Variants in TRHDE observed in about 807,000 individuals in gnomAD.
TRHDE encodes thyrotropin releasing hormone degrading enzyme, also known as thyrotropin-releasing hormone-degrading ectoenzyme.
A neutral mutation model predicts 125.7 loss-of-function variants in TRHDE; 72 were observed. The observed-to-expected ratio is 0.57, with a 90% CI of 0.47 to 0.70. The LOEUF (loss-of-function observed/expected upper bound fraction) is 0.70. TRHDE is among the 30% of genes least tolerant of loss of function. The pLI is 0.00. For synonymous variants in TRHDE, 509 were observed against 509.1 expected (o/e 1.00, Z 0.00); for missense variants, 1,110 against 1,327.1 (o/e 0.84, Z 2.54).
intron 3 of TRHDE, among the ~76,000 whole-genome samples, chr12:72,446,161 T>G (rs1875272165): frequency 6.6e-6 from 1 of 151,360 alleles, no homozygotes; most frequent in African/African-American, 2.4e-5. Flanking sequence ...TTTTTTTTTT[T>G]TTTTTTATAC....
At chr12:72,417,061 T>G (rs2135821749) in intron 3 of TRHDE, among the ~76,000 whole-genome samples, 1 of 152,200 alleles carries the variant, frequency 6.6e-6, no homozygotes, top group Admixed American at 6.6e-5. Context: ...TTTACCATTT[T>G]CATTGTAGAG....
intron 12 of TRHDE, among the ~76,000 whole-genome samples, chr12:72,592,874 C>T (rs1167213149): frequency 6.6e-6 from 1 of 152,046 alleles, no homozygotes; most frequent in Non-Finnish European, 1.5e-5. Flanking sequence ...CTATGCCCGG[C>T]TAATTTTGTT....
At chr12:72,149,353 G>A (rs1592459015) in intron 2 of TRHDE, among the ~76,000 whole-genome samples, 1 of 152,212 alleles carries the variant, frequency 6.6e-6, no homozygotes, top group East Asian at 1.9e-4. Flanking sequence ...GTTATGAAAT[G>A]TTCTATTCAA....
intron 7 of TRHDE, among the ~76,000 whole-genome samples, chr12:72,545,079 G>T (rs532353787): frequency 4.6e-5 from 7 of 151,440 alleles, no homozygotes; most frequent in African/African-American, 1.5e-4. Context: ...TGATTTGTTG[G>T]TGATACCACC....
At chr12:72,299,630 AGAATTC>A (rs1315576586) in intron 2 of TRHDE, among the ~76,000 whole-genome samples, 1 of 152,266 alleles carries the variant, frequency 6.6e-6, no homozygotes, top group Non-Finnish European at 1.5e-5. Context: ...CTGACTGAGC[AGAATTC>A]ATCAGAAGTT....
At chr12:72,420,481 G>A (rs375382335) in intron 3 of TRHDE, among the ~76,000 whole-genome samples, 17 of 152,150 alleles carry the variant, frequency 1.1e-4, no homozygotes, top group African/African-American at 3.6e-4. Flanking sequence ...ATATTCAATG[G>A]GTGTGGATCG....
chr12:72,282,024 A>G (rs1369212678), intron 1 of TRHDE, among the ~76,000 whole-genome samples: 1 of 152,254 alleles, frequency 6.6e-6, no homozygotes, highest in Admixed American at 6.5e-5. Context: ...CATGTATGCT[A>G]TTCACATTTT....
chr12:72,281,394 A>G (rs112244641), intron 1 of TRHDE, among the ~76,000 whole-genome samples: 3 of 152,212 alleles, frequency 2.0e-5, no homozygotes, highest in Non-Finnish European at 4.4e-5. Context: ...TGTAACTTCC[A>G]TGACCTTGTA....
chr12:72,668,797 T>C lies in TRHDE; in HGVS notation c.*5602T>C, dbSNP rs767904844. The C allele has an allele frequency of 1.3e-5, 2 of 151,794 alleles. No homozygotes were observed. The highest frequency in any genetic ancestry group is 4.8e-5 in the African/African-American group (2 of 41,408). 9.4% of individuals were successfully genotyped at this position (151,794 alleles called of 1,614,324 possible). On this transcript the variant is annotated 3_prime_UTR_variant, in exon 19 of 19. Coordinates refer to ENST00000261180, the MANE Select transcript of TRHDE (RefSeq NM_013381.3). ...TACATAATTAATTAGTGGTATTCAC[T>C]TGGATTCAAAACTCTGCAAACTGAA...
At chr12:72,316,256 G>A (rs1318431546) in intron 2 of TRHDE, among the ~76,000 whole-genome samples, 1 of 152,124 alleles carries the variant, frequency 6.6e-6, no homozygotes, top group East Asian at 1.9e-4. Context: ...CTGCATCATG[G>A]ATTTGTTATA....
chr12:72,374,583 G>A (rs1010182888), intron 2 of TRHDE, among the ~76,000 whole-genome samples: 16 of 152,136 alleles, frequency 1.1e-4, no homozygotes, highest in African/African-American at 3.6e-4. Flanking sequence ...TGATTGGGAT[G>A]AGTAGAAGGA....
intron 3 of TRHDE, among the ~76,000 whole-genome samples, chr12:72,425,205 AT>A (rs1874133106): frequency 6.6e-6 from 1 of 152,142 alleles, no homozygotes; most frequent in Non-Finnish European, 1.5e-5. Context: ...TTGGCATGCC[AT>A]TGGCCAGCAA....
chr12:72,099,904 A>G (rs1454824476), intron 1 of TRHDE, among the ~76,000 whole-genome samples: 2 of 152,210 alleles, frequency 1.3e-5, no homozygotes, highest in Non-Finnish European at 2.9e-5. Context: ...TTAACAAGAT[A>G]TGTTCTGAAA....
intron 15 of TRHDE, among the ~76,000 whole-genome samples, chr12:72,625,890 G>A (rs1054690552): frequency 6.6e-6 from 1 of 151,884 alleles, no homozygotes; most frequent in Admixed American, 6.6e-5. Context: ...AATAAAAATT[G>A]TCCTACAGAC....
intron 7 of TRHDE, among the ~76,000 whole-genome samples, chr12:72,559,912 T>A (rs1371882164): frequency 6.6e-6 from 1 of 152,206 alleles, no homozygotes; most frequent in Non-Finnish European, 1.5e-5. Flanking sequence ...GTATTTGTAG[T>A]TGTTCTCAGT....
At chr12:72,638,801 ATTCTT>A (rs1039711860) in intron 15 of TRHDE, among the ~76,000 whole-genome samples, 1 of 152,140 alleles carries the variant, frequency 6.6e-6, no homozygotes, top group South Asian at 2.1e-4. Context: ...TGGGTTGAAA[ATTCTT>A]TTCTTTAAGA....
intron 2 of TRHDE, among the ~76,000 whole-genome samples, chr12:72,208,219 C>T (rs578099481): frequency 2.1e-4 from 32 of 152,240 alleles, no homozygotes; most frequent in African/African-American, 7.7e-4. Flanking sequence ...TTCACACACC[C>T]ACATCCCTCA....
chr12:72,095,537 G>A (rs1412399593), intron 1 of TRHDE, among the ~76,000 whole-genome samples: 1 of 152,080 alleles, frequency 6.6e-6, no homozygotes, highest in South Asian at 2.1e-4. Flanking sequence ...GACATGACTT[G>A]GTTAAGTTAG....
intron 9 of TRHDE, among the ~76,000 whole-genome samples, chr12:72,566,990 A>G (rs113284274): frequency 0.026 from 3,899 of 152,074 alleles, 157 homozygotes; most frequent in African/African-American, 0.088. Context: ...AATCAGACTC[A>G]TAGTTGGGCA....
Sources: gnomAD v4.1 joint callset for allele counts (sites outside exome capture counted in the v4.1 genomes callset) on GRCh38, gnomAD v4.1.1 for gene constraint, MANE v1.5 for transcripts, NCBI Gene and HGNC (gene_info 2026-07-23, HGNC 2026-07-21) for gene names.